The following PCED1B variants were observed in gnomAD, a reference collection of about 807,000 sequenced individuals.
PCED1B encodes PC-esterase domain containing 1B.
For synonymous variants in PCED1B, 251 were observed against 246.1 expected, an observed-to-expected ratio of 1.02 and a Z score of -0.19; for missense variants, 573 against 573.9, an observed-to-expected ratio of 1.00 and a Z score of 0.02.
intron 3 of PCED1B, among the ~76,000 whole-genome samples, chr12:47,231,783 A>G (rs151186991): frequency 5.9e-5 from 9 of 152,320 alleles, no homozygotes; most frequent in African/African-American, 9.6e-5. Flanking sequence ...ACAGAACTGT[A>G]TTAACAGGGG....
chr12:47,163,146 C>T (rs1212047215), intron 2 of PCED1B, among the ~76,000 whole-genome samples: 1 of 151,900 alleles, frequency 6.6e-6, no homozygotes, highest in African/African-American at 2.4e-5. Flanking sequence ...TTTTTTCTCA[C>T]TTGTTAGTAT....
chr12:47,193,409 C>G (rs1283698853), intron 2 of PCED1B, among the ~76,000 whole-genome samples: 1 of 152,118 alleles, frequency 6.6e-6, no homozygotes, highest in African/African-American at 2.4e-5. Context: ...GAATTCCTGC[C>G]CCCTTCCCCC....
chr12:47,192,150 T>C (rs1775155613), intron 2 of PCED1B, among the ~76,000 whole-genome samples: 1 of 150,366 alleles, frequency 6.7e-6, no homozygotes, highest in Admixed American at 6.6e-5. Flanking sequence ...ATTTCAAAAA[T>C]GGAGGCTACG....
chr12:47,199,091 T>C (rs1005453529), intron 2 of PCED1B, among the ~76,000 whole-genome samples: 5 of 152,188 alleles, frequency 3.3e-5, no homozygotes, highest in Admixed American at 3.3e-4. Context: ...AAAGTTAGTA[T>C]ACAAATGTAA....
At chr12:47,105,799 A>C (rs1351326856) in intron 2 of PCED1B, among the ~76,000 whole-genome samples, 3 of 152,184 alleles carry the variant, frequency 2.0e-5, no homozygotes, top group African/African-American at 7.2e-5. Context: ...GAAAGAGTGA[A>C]TACAGTGCAT....
chr12:47,178,455 T>C (rs111689536), intron 2 of PCED1B, among the ~76,000 whole-genome samples: 1 of 152,148 alleles, frequency 6.6e-6, no homozygotes, highest in African/African-American at 2.4e-5. Context: ...GGAAATTTCA[T>C]GGGCTGGTGA....
At chr12:47,201,273 G>C (rs1942755251) in intron 2 of PCED1B, among the ~76,000 whole-genome samples, 1 of 152,142 alleles carries the variant, frequency 6.6e-6, no homozygotes, top group African/African-American at 2.4e-5. Flanking sequence ...TGATAGACTC[G>C]GGGCTTTGGG....
chr12:47,126,156 A>T (rs79730176), intron 2 of PCED1B, among the ~76,000 whole-genome samples: 59 of 152,126 alleles, frequency 3.9e-4, no homozygotes, highest in African/African-American at 1.2e-3. Flanking sequence ...CTGTAAAGAA[A>T]AAAAATTTTT....
chr12:47,234,798 A>G (rs986734231), intron 3 of PCED1B, among the ~76,000 whole-genome samples: 2 of 152,216 alleles, frequency 1.3e-5, no homozygotes, highest in African/African-American at 4.8e-5. Flanking sequence ...AACTGCCACT[A>G]GACAAGGCTT....
chr12:47,198,383 G>C lies in PCED1B; in HGVS notation c.-525-17839G>C, dbSNP rs918491172. Among the ~76,000 whole-genome samples the C allele has an allele frequency of 2.0e-5, 3 of 152,098 alleles. No individual in the cohort carries two copies. In the South Asian group the frequency reaches 6.2e-4, roughly 31 times the overall value. Reference sequence around the variant, plus strand: ...AGAGAAAAATCTCTCAACAAACTAGGAGTAGAGGGGAACTGGATCTCAACT... The same window carrying C: ...AGAGAAAAATCTCTCAACAAACTAGCAGTAGAGGGGAACTGGATCTCAACT... On this transcript the variant is annotated intron_variant, in intron 2 of 3. Coordinates refer to ENST00000546455, the MANE Select transcript of PCED1B (RefSeq NM_138371.3).
intron 2 of PCED1B, among the ~76,000 whole-genome samples, chr12:47,112,386 A>T (rs1022406728): frequency 2.0e-5 from 3 of 152,212 alleles, no homozygotes; most frequent in Non-Finnish European, 4.4e-5. Context: ...TTTAAGTAAG[A>T]TCCATTTTAA....
intron 2 of PCED1B, chr12:47,205,907 C>T (rs1462572965): frequency 1.3e-5 from 2 of 152,060 alleles, no homozygotes; most frequent in Non-Finnish European, 2.9e-5. Flanking sequence ...GTGCAGGAGA[C>T]CAGGGTTTTA....
intron 2 of PCED1B, among the ~76,000 whole-genome samples, chr12:47,112,817 G>A (rs1192357864): frequency 6.6e-6 from 1 of 152,140 alleles, no homozygotes; most frequent in Non-Finnish European, 1.5e-5. Context: ...TTATTCAAGT[G>A]CTTCCTTCCT....
chr12:47,232,539 C>T (rs945576985), intron 3 of PCED1B, among the ~76,000 whole-genome samples: 9 of 152,166 alleles, frequency 5.9e-5, no homozygotes, highest in Non-Finnish European at 1.3e-4. Context: ...TTTACTAATG[C>T]GTAAAATCTT....
intron 2 of PCED1B, among the ~76,000 whole-genome samples, chr12:47,137,124 G>A (rs1287929241): frequency 6.6e-6 from 1 of 152,196 alleles, no homozygotes; most frequent in African/African-American, 2.4e-5. Flanking sequence ...TTTCAGCAAT[G>A]TCTTATTGCC....
intron 3 of PCED1B, among the ~76,000 whole-genome samples, chr12:47,220,288 C>T (rs1046402266): frequency 1.3e-5 from 2 of 152,064 alleles, no homozygotes; most frequent in Non-Finnish European, 2.9e-5. Flanking sequence ...TCTCTTGCCT[C>T]GGCCTCCTGA....
intron 1 of PCED1B, among the ~76,000 whole-genome samples, chr12:47,089,461 CATATATATATATATATATATAT>C (rs1217283440): frequency 1.6e-5 from 1 of 63,398 alleles, no homozygotes; most frequent in Admixed American, 2.7e-4. Context: ...AAAAAAAATA[CATATATATATATATATATATAT>C]ATATATATAT....
chr12:47,235,387 G>C lies in PCED1B; in HGVS notation c.324G>C (p.Glu108Asp), dbSNP rs144422351. ...ATTACCTCCAGACCATCTTGAAAGA[G>C]CTGCAGTCGGGCGAGCACGCCCCCG... ...YSDYLQTILKELQSGEHAPDL... is the reference protein window; with the variant it reads ...YSDYLQTILKDLQSGEHAPDL... The change falls in exon 4 of 4, where the codon GAG becomes GAC. Residue 108 changes from glutamate to aspartate, a missense_variant. By Grantham distance (45) the Glu-to-Asp change is conservative (BLOSUM62 2). Coordinates refer to ENST00000546455, the MANE Select transcript of PCED1B (RefSeq NM_138371.3). The C allele has an allele frequency of 1.1e-5, 17 of 1,614,086 alleles. No homozygotes were observed. In the African/African-American group the frequency reaches 2.3e-4, roughly 22 times the overall value.
At chr12:47,100,837 G>T (rs1938671119) in intron 1 of PCED1B, among the ~76,000 whole-genome samples, 1 of 152,128 alleles carries the variant, frequency 6.6e-6, no homozygotes, top group Non-Finnish European at 1.5e-5. Context: ...GGAGGCCGAG[G>T]GGGGCAGATC....
Sources: gnomAD v4.1 joint callset for allele counts (sites outside exome capture counted in the v4.1 genomes callset) on GRCh38, gnomAD v4.1.1 for gene constraint, MANE v1.5 for transcripts, NCBI Gene and HGNC (gene_info 2026-07-23, HGNC 2026-07-21) for gene names.